Variants in NHLH2 observed in about 807,000 individuals in gnomAD.
NHLH2 encodes nescient helix-loop-helix 2, also known as helix-loop-helix protein 2.
A neutral mutation model predicts 7.3 loss-of-function variants in NHLH2; 7 were observed. The observed-to-expected ratio is 0.96, with a 90% confidence interval of 0.55 to 1.81. The LOEUF is 1.81. Among genes scored for constraint, NHLH2 ranks in the 40% most tolerant of loss-of-function variants. The pLI, the probability that NHLH2 is intolerant of heterozygous loss-of-function variation, is 0.00. For synonymous variants in NHLH2, 93 were observed against 91.6 expected (o/e 1.01, Z -0.09); for missense variants, 155 against 194.0 (o/e 0.80, Z 1.19).
chr1:115,838,254 G>A lies in NHLH2; in HGVS notation c.119C>T (p.Pro40Leu), dbSNP rs1222723129. 4 of 1,583,318 alleles carry A rather than the reference G, an allele frequency of 2.5e-6. No homozygotes were observed. Among genetic ancestry groups the A allele is most frequent in the Admixed American group, 1.8e-5 (1 of 55,818 alleles). The change falls in exon 3 of 3, where the codon CCG becomes CTG. Residue 40 changes from proline to leucine, a missense_variant. Pro to Leu is a moderately conservative substitution (Grantham distance 98, BLOSUM62 -3). This residue lies in a region of NHLH2 where 91 missense variants were observed against 86.6 expected (regional missense o/e 1.05). Transcript: ENST00000320238. ...KVLGSVSDLEPVEEAEGDGKG... is the reference protein window; with the variant it reads ...KVLGSVSDLELVEEAEGDGKG... Reference sequence around the variant, plus strand: ...GCCGTCGCCCTCGGCCTCCTCCACCGGCTCCAGGTCCGACACGCTGCCGAG... The same window carrying A: ...GCCGTCGCCCTCGGCCTCCTCCACCAGCTCCAGGTCCGACACGCTGCCGAG...
In NHLH2 at chr1:115,840,369, G is replaced by A. The variant is rs911218799; in HGVS notation, c.-162C>T. The A allele has an allele frequency of 6.0e-6, 1 of 167,046 alleles. No homozygotes were observed. The highest frequency in any genetic ancestry group is 1.5e-5 in the Non-Finnish European group (1 of 68,118). 10.3% of individuals were successfully genotyped at this position (167,046 alleles called of 1,614,324 possible). A position where few individuals can be genotyped will look rare whatever the true frequency, so the allele number is the denominator to read the frequency against. On this transcript the variant is annotated 5_prime_UTR_variant, in exon 2 of 3. Coordinates refer to ENST00000320238, the MANE Select transcript of NHLH2 (RefSeq NM_005599.3). ...CTGTCATCTCGCTGGTGTCCGCAGC[G>A]AGGGACAATAATATCTCAGGATGTA... is the stretch of plus-strand genomic sequence containing the variant.
At chr1:115,834,316 G>A (rs145008159), downstream of NHLH2, among the ~76,000 whole-genome samples, 1 of 152,178 alleles carries the variant, frequency 6.6e-6, no homozygotes, top group Admixed American at 6.5e-5. Flanking sequence ...AGGCTTTCTG[G>A]GGAGCAGCAA....
At chr1:115,833,909 G>A (rs1264231758), downstream of NHLH2, among the ~76,000 whole-genome samples, 2 of 152,224 alleles carry the variant, frequency 1.3e-5, no homozygotes, top group Non-Finnish European at 2.9e-5. Flanking sequence ...AGTGAGGAGA[G>A]TTGGATAAAT....
chr1:115,834,473 C>A (rs978916179), downstream of NHLH2, among the ~76,000 whole-genome samples: 10 of 152,160 alleles, frequency 6.6e-5, no homozygotes, highest in African/African-American at 2.2e-4. Flanking sequence ...GGTAAGTGAC[C>A]TGCACAGACT....
rs34163403 is a variant in NHLH2, at chr1:115,840,743, A to ATTTTTTTT, written c.-338+197_-337-200dup. On this transcript the variant is annotated intron_variant, in intron 1 of 2. Coordinates refer to ENST00000320238, the MANE Select transcript of NHLH2 (RefSeq NM_005599.3). ...AGAGATGTGATCTTGCTCAGAAGTG[A>ATTTTTTTT]TTTTTTTTTTTTTTTTGAGATAAGG... The ATTTTTTTT allele has an allele frequency of 1.2e-3, 172 of 141,912 alleles. 2 individuals carry two copies. Among genetic ancestry groups the ATTTTTTTT allele is most frequent in the African/African-American group, 4.3e-3 (164 of 37,868 alleles). The allele number at this position is 141,912 out of a possible 1,614,324, so 8.8% of individuals were successfully genotyped here.
At position 115,838,414 on chromosome 1, in the gene NHLH2, G is replaced by A. The variant is rs370817758; in HGVS notation, c.-8-34C>T. On this transcript the variant is annotated intron_variant, in intron 2 of 2. Transcript: ENST00000320238. The stretch of plus-strand genomic sequence containing the variant: ...GGGTCGGAAAATTAATCAGTAAAAG[G>A]AATCAGGGTATTTTGCTGGAAGGAT... The A allele has an allele frequency of 1.6e-5, 25 of 1,600,202 alleles. No individual in the cohort carries two copies. In the Admixed American group the frequency reaches 2.2e-4, roughly 14 times the overall value.
At chr1:115,831,869 C>CCAAGATTGCGCCACTGCACCA (rs1553202087), downstream of NHLH2, among the ~76,000 whole-genome samples, 1 of 151,372 alleles carries the variant, frequency 6.6e-6, no homozygotes, top group Non-Finnish European at 1.5e-5. Context: ...TTGCAGTGAG[C>CCAAGATTGCGCCACTGCACCA]CAAGATTGCG....
At chr1:115,832,239 G>T (rs2797196), downstream of NHLH2, among the ~76,000 whole-genome samples, 147,703 of 152,314 alleles carry the variant, frequency 0.97, 71,804 homozygotes, top group East Asian at 1. Flanking sequence ...TAACTCTACA[G>T]GTGTGCATGT....
downstream of NHLH2, among the ~76,000 whole-genome samples, chr1:115,835,652 A>G (rs538202133): frequency 4.6e-5 from 7 of 152,374 alleles, no homozygotes; most frequent in Non-Finnish European, 1.0e-4. Context: ...GCATCCATCT[A>G]ACTGCATTTA....
chr1:115,838,137 C>T lies in NHLH2; in HGVS notation c.236G>A (p.Arg79His). Residue 79 changes from arginine to histidine, a missense_variant, in exon 3 of 3, where the codon CGC becomes CAC. Physicochemically the swap from Arg to His is conservative, Grantham distance 29. Around this residue, in one of 2 missense-constraint regions of NHLH2, gnomAD observed 64 missense variants for 107.4 expected, o/e 0.60. Coordinates refer to ENST00000320238, the MANE Select transcript of NHLH2 (RefSeq NM_005599.3). ...GCGCTCGCGGGTGGCGTGGGCCGAGCGGTACTTGGCCGTGGCGCGCCGGCG... is the reference window on the plus strand; with the variant it reads ...GCGCTCGCGGGTGGCGTGGGCCGAGTGGTACTTGGCCGTGGCGCGCCGGCG... ...RRRRRATAKYRSAHATRERIR... is the reference protein window; with the variant it reads ...RRRRRATAKYHSAHATRERIR... 6.3e-7 allele frequency: 1 copy of T among 1,592,498 alleles called. No individual in the cohort carries two copies.
At chr1:115,831,786 G>A (rs1231986291), downstream of NHLH2, among the ~76,000 whole-genome samples, 2 of 152,076 alleles carry the variant, frequency 1.3e-5, no homozygotes, top group Non-Finnish European at 1.5e-5. Flanking sequence ...GCTGGGCATG[G>A]TGGTACATGC....
chr1:115,833,939 G>T (rs188362630), downstream of NHLH2, among the ~76,000 whole-genome samples: 8 of 152,306 alleles, frequency 5.3e-5, no homozygotes, highest in East Asian at 1.4e-3. Flanking sequence ...ACAGAGGCTG[G>T]CTCTGGCTAC....
chr1:115,839,351 C>T lies in NHLH2; in HGVS notation c.-9+865G>A, dbSNP rs546822071. 1.1e-3 allele frequency: 181 copies of T among 166,518 alleles called. 1 individual carries two copies. The highest frequency in any genetic ancestry group is 2.7e-3 in the South Asian group (13 of 4,828). The allele number at this position is 166,518 out of a possible 1,614,324, so 10.3% of individuals were successfully genotyped here. A position where few individuals can be genotyped will look rare whatever the true frequency, so the allele number is the denominator to read the frequency against. ...GTCCCGGCGGGAGCTGCATCTCTGC[C>T]GGCAAAGTTCGGGCGCTCCCGGAAC... On this transcript the variant is annotated intron_variant, in intron 2 of 2. Coordinates refer to ENST00000320238, the MANE Select transcript of NHLH2 (RefSeq NM_005599.3).
At position 115,837,640 on chromosome 1, in the gene NHLH2, A is replaced by G. The variant is rs920449026; in HGVS notation, c.*325T>C. The G allele has an allele frequency of 6.3e-5, 21 of 331,844 alleles. No individual in the cohort carries two copies. The highest frequency in any genetic ancestry group is 1.0e-4 in the Admixed American group (2 of 19,360). The allele number at this position is 331,844 out of a possible 1,614,324, so 20.6% of individuals were successfully genotyped here. ...GGCGGATGAATGTAGGAGAACTCAA[A>G]GTCTCCAGTGGGTTAAAACCACAAC... On this transcript the variant is annotated 3_prime_UTR_variant, in exon 3 of 3. Transcript: ENST00000320238.
chr1:115,837,980 G>C lies in NHLH2; in HGVS notation c.393C>G (p.His131Gln). The C allele has an allele frequency of 1.2e-6, 2 of 1,603,366 alleles. No individual in the cohort carries two copies. The highest frequency in any genetic ancestry group is 1.7e-6 in the Non-Finnish European group (2 of 1,175,962). The change falls in exon 3 of 3, where the codon CAC becomes CAG. Residue 131 changes from histidine (H) to glutamine (Q), a missense_variant. His to Gln is a conservative substitution (Grantham distance 24). Coordinates refer to ENST00000320238, the MANE Select transcript of NHLH2 (RefSeq NM_005599.3). ...GCACCCCGCCCTACACGTCCAGGAC[G>C]TGGTTGAGATAGGAGATGTAGCAGA... ...LAICYISYLN[H>Q]VLDV
chr1:115,834,390 C>G (rs1007010303), downstream of NHLH2, among the ~76,000 whole-genome samples: 2 of 152,150 alleles, frequency 1.3e-5, no homozygotes, highest in African/African-American at 4.8e-5. Flanking sequence ...AGCAGGAAGA[C>G]ATGTGGTTCT....
chr1:115,840,911 G>T (rs560531477), intron 1 of NHLH2, 37 bp downstream of exon 1: 1 of 167,348 alleles, frequency 6.0e-6, no homozygotes, highest in Non-Finnish European at 1.5e-5. Context: ...TTCAAGGTTT[G>T]GCTATATCCC....
chr1:115,839,016 G>A (rs1049989161), intron 2 of NHLH2: 1 of 167,114 alleles, frequency 6.0e-6, no homozygotes, highest in Non-Finnish European at 1.5e-5. Context: ...AGGCTTCTTG[G>A]ACCCCTCGCG....
downstream of NHLH2, among the ~76,000 whole-genome samples, chr1:115,834,303 G>T (rs1431706683): frequency 6.6e-6 from 1 of 152,214 alleles, no homozygotes; most frequent in African/African-American, 2.4e-5. Context: ...GCCAGCTGGG[G>T]CTAGGCTTTC....
Sources: allele counts gnomAD v4.1 joint callset (sites outside exome capture counted in the v4.1 genomes callset), GRCh38; gene constraint gnomAD v4.1.1; regional missense constraint gnomAD v4.1.1; transcripts MANE v1.5; gene names NCBI Gene and HGNC (gene_info 2026-07-23, HGNC 2026-07-21).